B3GLCT: variants seen among roughly 807,000 people sequenced by gnomAD.
The protein encoded by B3GLCT is beta 3-glucosyltransferase, also known as beta-1,3-glucosyltransferase.
A neutral mutation model predicts 63.4 loss-of-function variants in B3GLCT; 65 were observed. The observed-to-expected ratio is 1.03, with a 90% confidence interval of 0.84 to 1.26. B3GLCT has a LOEUF of 1.26. Among genes scored for constraint, B3GLCT ranks in the 50% most tolerant of loss-of-function variants. The probability of loss-of-function intolerance (pLI) is 0.00; values close to 1 mark genes in which losing one functional copy is unlikely to be tolerated. For synonymous variants in B3GLCT, 233 were observed against 219.2 expected, an observed-to-expected ratio of 1.06 and a Z score of -0.55; for missense variants, 577 against 604.8, an observed-to-expected ratio of 0.95 and a Z score of 0.48.
chr13:31,323,916 C>T (rs772524597), intron 14 of B3GLCT, 21 bp downstream of exon 14: 21 of 1,613,872 alleles, frequency 1.3e-5, no homozygotes, highest in Non-Finnish European at 1.8e-5. Context: ...GGTTTTTATT[C>T]TTCCCTCATG....
At chr13:31,209,498 C>G (rs1425051371) in intron 1 of B3GLCT, among the ~76,000 whole-genome samples, 1 of 152,148 alleles carries the variant, frequency 6.6e-6, no homozygotes, top group Admixed American at 6.5e-5. Context: ...AGGCTTCCTC[C>G]CCCAGCGTGT....
At chr13:31,205,407 A>C (rs1868898552) in intron 1 of B3GLCT, among the ~76,000 whole-genome samples, 1 of 151,922 alleles carries the variant, frequency 6.6e-6, no homozygotes, top group African/African-American at 2.4e-5. Flanking sequence ...AAATACAAAA[A>C]AATTACCCGC....
intron 7 of B3GLCT, among the ~76,000 whole-genome samples, chr13:31,268,876 C>T (rs919640568): frequency 6.6e-6 from 1 of 152,148 alleles, no homozygotes; most frequent in Non-Finnish European, 1.5e-5. Context: ...ATTTATTTCC[C>T]TCTTTCTTTT....
chr13:31,287,869 C>G (rs1027081071), intron 12 of B3GLCT, among the ~76,000 whole-genome samples: 1 of 152,190 alleles, frequency 6.6e-6, no homozygotes, highest in African/African-American at 2.4e-5. Context: ...GAAAAACCCA[C>G]TGGATGGGTT....
chr13:31,328,840 A>G (rs572356417), intron 14 of B3GLCT, among the ~76,000 whole-genome samples: 1 of 152,134 alleles, frequency 6.6e-6, no homozygotes. Context: ...AGTTCTGCTT[A>G]AGTTTTATTT....
chr13:31,270,663 G>A (rs182785002), intron 8 of B3GLCT, among the ~76,000 whole-genome samples: 131 of 152,242 alleles, frequency 8.6e-4, no homozygotes, highest in African/African-American at 3.0e-3. Context: ...GCCTCCTTCC[G>A]TCTCCCCACA....
At chr13:31,274,466 G>A in intron 8 of B3GLCT, 43 bp from the exon 9 acceptor site, 1 of 1,613,794 alleles carries the variant, frequency 6.2e-7, no homozygotes, top group South Asian at 1.1e-5. Context: ...TACTTGTGTT[G>A]ACTGAGTTCT....
At chr13:31,264,036 T>C (rs574641139) in intron 7 of B3GLCT, among the ~76,000 whole-genome samples, 2 of 152,242 alleles carry the variant, frequency 1.3e-5, no homozygotes, top group Non-Finnish European at 2.9e-5. Context: ...GCCAGTTTTC[T>C]GGTTCCTTTC....
At chr13:31,296,348 G>A (rs759896089) in intron 12 of B3GLCT, among the ~76,000 whole-genome samples, 1 of 152,220 alleles carries the variant, frequency 6.6e-6, no homozygotes, top group East Asian at 1.9e-4. Context: ...AGATCAGGGT[G>A]CCAGCATGGT....
chr13:31,316,326 G>A (rs1476122707), intron 12 of B3GLCT, among the ~76,000 whole-genome samples: 1 of 149,270 alleles, frequency 6.7e-6, no homozygotes, highest in Non-Finnish European at 1.5e-5. Context: ...CACAGGGGTG[G>A]GGCCCAAGGC....
chr13:31,245,056 A>G (rs1871135392), intron 4 of B3GLCT, among the ~76,000 whole-genome samples: 1 of 152,164 alleles, frequency 6.6e-6, no homozygotes, highest in Non-Finnish European at 1.5e-5. Context: ...ATGATTTACT[A>G]AACAAATATA....
chr13:31,231,170 C>T (rs1160952757), intron 4 of B3GLCT, among the ~76,000 whole-genome samples: 3 of 152,040 alleles, frequency 2.0e-5, no homozygotes, highest in African/African-American at 7.2e-5. Context: ...GGTGGCCACG[C>T]GCAGGCTGCT....
intron 5 of B3GLCT, among the ~76,000 whole-genome samples, 168 bp from the exon 6 acceptor site, chr13:31,247,687 T>C (rs897050874): frequency 3.3e-5 from 5 of 152,254 alleles, no homozygotes; most frequent in Non-Finnish European, 7.3e-5. Flanking sequence ...CCAGCTGTTT[T>C]TTAAACCATT....
In B3GLCT at chr13:31,331,440, C is replaced by T. The variant is rs1875919325; in HGVS notation, c.*1772C>T. Reference sequence around the variant, plus strand: ...TTCTACTGATACCGGGGCACCTCCTCTGGTACTTTTAAGTGTTTTGTTAAT... The same window carrying T: ...TTCTACTGATACCGGGGCACCTCCTTTGGTACTTTTAAGTGTTTTGTTAAT... On this transcript the variant is annotated 3_prime_UTR_variant, in exon 15 of 15. Coordinates refer to ENST00000343307, the MANE Select transcript of B3GLCT (RefSeq NM_194318.4). 3 of 152,040 alleles carry T rather than the reference C, an allele frequency of 2.0e-5. 1 individual carries two copies. The highest frequency in any genetic ancestry group is 2.0e-4 in the Admixed American group (3 of 15,254). The allele number at this position is 152,040 out of a possible 1,614,324, so 9.4% of individuals were successfully genotyped here.
chr13:31,223,040 G>A (rs1488595459), intron 3 of B3GLCT, 49 bp downstream of exon 3: 4 of 1,170,480 alleles, frequency 3.4e-6, no homozygotes, highest in Non-Finnish European at 5.1e-6. Flanking sequence ...GGTATATTTT[G>A]TATGAATTAT....
chr13:31,245,718 A>G (rs1347314034), intron 4 of B3GLCT, among the ~76,000 whole-genome samples: 2 of 152,178 alleles, frequency 1.3e-5, no homozygotes, highest in South Asian at 4.1e-4. Context: ...TGCAAATAGT[A>G]ACATCATTAG....
rs770733008 is a variant in B3GLCT, at chr13:31,261,036, C to T, written c.550C>T (p.Pro184Ser). Residue 184 changes from proline to serine, a missense_variant, in exon 7 of 15, where the codon CCA becomes TCA. By Grantham distance (74) the Pro-to-Ser change is moderately conservative. Coordinates refer to ENST00000343307, the MANE Select transcript of B3GLCT (RefSeq NM_194318.4). ...FSENPTVFKY[P>S]DFAAGWALSI... ...CGAGAATCCTACAGTTTTTAAGTAT[C>T]CAGACTTTGCTGCAGGCTGGGCCTT... The T allele has an allele frequency of 1.2e-6, 2 of 1,613,794 alleles. No homozygotes were observed. Among genetic ancestry groups the T allele is most frequent in the Admixed American group, 1.7e-5 (1 of 59,974 alleles).
chr13:31,246,429 T>A (rs1047318154), intron 4 of B3GLCT, among the ~76,000 whole-genome samples: 2 of 152,246 alleles, frequency 1.3e-5, no homozygotes, highest in African/African-American at 4.8e-5. Context: ...ATTTGTCAAT[T>A]CCATTATTAT....
chr13:31,287,528 A>G (rs561072221), intron 12 of B3GLCT, among the ~76,000 whole-genome samples: 2 of 152,362 alleles, frequency 1.3e-5, no homozygotes, highest in African/African-American at 4.8e-5. Context: ...GTTTCCAAGT[A>G]GTAGCCTGTG....
Sources: gnomAD v4.1 joint callset for allele counts (sites outside exome capture counted in the v4.1 genomes callset) on GRCh38, gnomAD v4.1.1 for gene constraint, MANE v1.5 for transcripts, NCBI Gene and HGNC (gene_info 2026-07-23, HGNC 2026-07-21) for gene names.